SLC10A2: variants seen among roughly 807,000 people sequenced by gnomAD.
SLC10A2 encodes solute carrier family 10 member 2, also known as ileal sodium/bile acid cotransporter.
In SLC10A2, 34 loss-of-function variants were observed where a neutral mutation model predicts 27.1. The ratio of observed to expected loss-of-function variants is 1.26; its 90% confidence interval spans 0.96 to 1.67. SLC10A2 has a LOEUF of 1.67. SLC10A2 is among the 40% of genes most tolerant of loss of function. SLC10A2 has a pLI of 0.00. For missense variants in SLC10A2, 530 were observed against 444.4 expected, an observed-to-expected ratio of 1.19 and a Z score of -1.73; for synonymous variants, 205 against 174.0, an observed-to-expected ratio of 1.18 and a Z score of -1.40.
Position 103,052,697 on chromosome 13 carries a change from C to A in SLC10A2, c.508G>T (p.Val170Phe), listed in dbSNP as rs765709171. 1 of 1,601,198 alleles carries A rather than the reference C, an allele frequency of 6.2e-7. No individual in the cohort carries two copies. Among genetic ancestry groups the A allele is most frequent in the South Asian group, 1.1e-5 (1 of 90,780 alleles). Residue 170 changes from valine to phenylalanine, a missense_variant, in exon 3 of 6, where the codon GTT becomes TTT. Val to Phe is a conservative substitution (Grantham distance 50). Transcript: ENST00000245312. ...IPYDNIGTSL[V>F]SLVVPVSIGM... is the part of the protein sequence containing the mutation. Reference sequence around the variant, plus strand: ...ATGGAAACAGGAACAACGAGAGAAACCAGAGATGTACCTAAAGATGACAGA... The same window carrying A: ...ATGGAAACAGGAACAACGAGAGAAAACAGAGATGTACCTAAAGATGACAGA...
In SLC10A2 at chr13:103,049,437, C is replaced by T. The variant is rs749337090; in HGVS notation, c.771G>A (p.Thr257=). 1.4e-5 allele frequency: 22 copies of T among 1,613,648 alleles called. No homozygotes were observed. Among genetic ancestry groups the T allele is most frequent in the Middle Eastern group, 1.6e-4 (1 of 6,082 alleles). The change falls in exon 5 of 6, where the codon ACG becomes ACA. Residue 257 remains threonine, a synonymous_variant. Transcript: ENST00000245312. The stretch of plus-strand genomic sequence containing the variant: ...TCTGCATCCCCGTTTCAAAAGCAAC[C>T]GTTCGGCACCTAAAGAAGATGTTAA... ...IAGLPWYRCR[T]VAFETGMQNT...
At chr13:103,060,160 T>C (rs939781271) in intron 1 of SLC10A2, among the ~76,000 whole-genome samples, 14 of 152,162 alleles carry the variant, frequency 9.2e-5, no homozygotes, top group African/African-American at 3.1e-4. Context: ...AAGGGATCTG[T>C]ACACAGCGTA....
At chr13:103,064,857 C>T (rs1876228701) in intron 1 of SLC10A2, among the ~76,000 whole-genome samples, 1 of 152,090 alleles carries the variant, frequency 6.6e-6, no homozygotes, top group African/African-American at 2.4e-5. Context: ...CTGGAGAAAC[C>T]AGCACCAGTT....
At chr13:103,058,699 A>G (rs559033444) in intron 1 of SLC10A2, among the ~76,000 whole-genome samples, 1 of 152,292 alleles carries the variant, frequency 6.6e-6, no homozygotes, top group South Asian at 2.1e-4. Context: ...ATAAGTGAGA[A>G]CATGCAGTAT....
chr13:103,047,289 A>G (rs1419854675), intron 5 of SLC10A2, among the ~76,000 whole-genome samples: 1 of 152,194 alleles, frequency 6.6e-6, no homozygotes, highest in Non-Finnish European at 1.5e-5. Flanking sequence ...CTCAAGATCA[A>G]TATTTCCTTT....
At chr13:103,049,062 G>A (rs1214615411) in intron 5 of SLC10A2, among the ~76,000 whole-genome samples, 1 of 152,118 alleles carries the variant, frequency 6.6e-6, no homozygotes, top group African/African-American at 2.4e-5. Context: ...GGAGAGAATC[G>A]GCCTCCATTA....
rs537771444 is a variant in SLC10A2, at chr13:103,045,509, G to C, written c.*624C>G. The C allele has an allele frequency of 6.6e-6, 1 of 152,596 alleles. No homozygotes were observed. The highest frequency in any genetic ancestry group is 1.5e-5 in the Non-Finnish European group (1 of 68,408). The allele number at this position is 152,596 out of a possible 1,614,324, so 9.5% of individuals were successfully genotyped here. On this transcript the variant is annotated 3_prime_UTR_variant, in exon 6 of 6. Coordinates refer to ENST00000245312, the MANE Select transcript of SLC10A2 (RefSeq NM_000452.3). ...CAATATGGTTATTGAATTCTATTTT[G>C]TAATAATTTCCTCTCATTTCTGCTT...
chr13:103,058,134 A>G (rs1396420652), intron 2 of SLC10A2, 130 bp downstream of exon 2: 12 of 765,460 alleles, frequency 1.6e-5, no homozygotes, highest in Non-Finnish European at 2.4e-5. Flanking sequence ...GGGTGACTTT[A>G]TAATGAAATC....
intron 4 of SLC10A2, among the ~76,000 whole-genome samples, chr13:103,050,048 C>T (rs1468717441): frequency 1.3e-5 from 2 of 151,922 alleles, no homozygotes; most frequent in African/African-American, 2.4e-5. Context: ...GTCCCAGCTC[C>T]TCGGGAGGCT....
rs180906668 is a variant in SLC10A2, at chr13:103,053,435, A to C, written c.497-727T>G. On this transcript the variant is annotated intron_variant, in intron 2 of 5. Transcript: ENST00000245312. Reference sequence around the variant, plus strand: ...TGGCCAGATAAAAGAGTCATACTTCAATTTCACCATGTTAAATTTACTGCT... The same window carrying C: ...TGGCCAGATAAAAGAGTCATACTTCCATTTCACCATGTTAAATTTACTGCT... Among the ~76,000 whole-genome samples, 4 of 152,334 alleles carry C rather than the reference A, an allele frequency of 2.6e-5. No individual in the cohort carries two copies. In the East Asian group the frequency reaches 7.7e-4, roughly 29 times the overall value.
rs751345429 is a variant in SLC10A2, at chr13:103,058,377, C to A, written c.383G>T (p.Ser128Ile). Residue 128 changes from serine (S) to isoleucine (I), a missense_variant, in exon 2 of 6, where the codon AGC (serine) becomes ATC (isoleucine). Ser to Ile is a moderately radical substitution (Grantham distance 142). Coordinates refer to ENST00000245312, the MANE Select transcript of SLC10A2 (RefSeq NM_000452.3). ...AAGCAGTGTGGAGCATGTGGTCATGCTGACGCTGAAAGGCAATGGGCAGAT... is the reference window on the plus strand; with the variant it reads ...AAGCAGTGTGGAGCATGTGGTCATGATGACGCTGAAAGGCAATGGGCAGAT... ...WVDGDMDLSV[S>I]MTTCSTLLAL... is the part of the protein sequence containing the mutation. 1 of 1,607,676 alleles carries A rather than the reference C, an allele frequency of 6.2e-7. No homozygotes were observed. The highest frequency in any genetic ancestry group is 8.5e-7 in the Non-Finnish European group (1 of 1,174,188).
chr13:103,054,977 C>A (rs1469528720), intron 2 of SLC10A2, among the ~76,000 whole-genome samples: 1 of 152,040 alleles, frequency 6.6e-6, no homozygotes, highest in Non-Finnish European at 1.5e-5. Flanking sequence ...GGTCTTTAAT[C>A]AAGTTTACAC....
At chr13:103,048,520 C>T (rs1595437306) in intron 5 of SLC10A2, among the ~76,000 whole-genome samples, 3 of 151,994 alleles carry the variant, frequency 2.0e-5, no homozygotes, top group Admixed American at 6.6e-5. Context: ...AGTTTTGTTG[C>T]GTGCCTTCAC....
chr13:103,063,407 A>C (rs1278637235), intron 1 of SLC10A2, among the ~76,000 whole-genome samples: 1 of 152,162 alleles, frequency 6.6e-6, no homozygotes, highest in Non-Finnish European at 1.5e-5. Context: ...TGTTAACATA[A>C]ACAGTCATGT....
intron 1 of SLC10A2, among the ~76,000 whole-genome samples, chr13:103,059,415 G>A (rs1876036142): frequency 6.6e-6 from 1 of 151,972 alleles, no homozygotes; most frequent in Admixed American, 6.6e-5. Flanking sequence ...TTTTATTTTC[G>A]ATTCATGATA....
chr13:103,048,994 T>A (rs1380507279), intron 5 of SLC10A2, among the ~76,000 whole-genome samples: 1 of 152,140 alleles, frequency 6.6e-6, no homozygotes, highest in African/African-American at 2.4e-5. Context: ...AGGCGCACAA[T>A]AAAATGGTCC....
intron 3 of SLC10A2, 141 bp from the exon 4 acceptor site, chr13:103,051,573 A>T: frequency 1.1e-6 from 1 of 880,196 alleles, no homozygotes; most frequent in African/African-American, 1.7e-5. Context: ...ACTCCAAGCC[A>T]GGAGGCTGCA....
intron 3 of SLC10A2, among the ~76,000 whole-genome samples, chr13:103,051,640 T>C (rs1875785557): frequency 1.3e-5 from 2 of 152,286 alleles, no homozygotes; most frequent in Middle Eastern, 3.4e-3. Context: ...AAGAACACAA[T>C]AGGACATGTA....
At chr13:103,062,271 G>A (rs1231835384) in intron 1 of SLC10A2, among the ~76,000 whole-genome samples, 1 of 152,204 alleles carries the variant, frequency 6.6e-6, no homozygotes, top group Non-Finnish European at 1.5e-5. Context: ...GAAAGCTTAT[G>A]AGCCTGCAAA....
Sources: gnomAD v4.1 joint callset for allele counts (sites outside exome capture counted in the v4.1 genomes callset) on GRCh38, gnomAD v4.1.1 for gene constraint, MANE v1.5 for transcripts, NCBI Gene and HGNC (gene_info 2026-07-23, HGNC 2026-07-21) for gene names.